The following CEP128 variants were observed in gnomAD, a reference collection of about 807,000 sequenced individuals.
The protein encoded by CEP128 is centrosomal protein 128kDa.
CEP128 carries 132 observed loss-of-function variants against 156.7 expected under a neutral mutation model. The observed-to-expected ratio is 0.84, with a 90% confidence interval of 0.73 to 0.97. CEP128 has a LOEUF of 0.97. Among genes scored for constraint, CEP128 ranks in the 50% least tolerant of loss-of-function variants. CEP128 has a pLI of 0.00. For missense variants in CEP128, 1,252 were observed against 1,281.9 expected (o/e 0.98, Z 0.36); for synonymous variants, 469 against 448.9 (o/e 1.04, Z -0.57).
At chr14:80,806,886 C>T (rs1488863618) in intron 13 of CEP128, among the ~76,000 whole-genome samples, 1 of 152,070 alleles carries the variant, frequency 6.6e-6, no homozygotes, top group African/African-American at 2.4e-5. Context: ...TATTGGCTTA[C>T]ATCATTATAG....
intron 19 of CEP128, among the ~76,000 whole-genome samples, chr14:80,621,277 A>G (rs1893467817): frequency 6.6e-6 from 1 of 152,184 alleles, no homozygotes; most frequent in East Asian, 1.9e-4. Flanking sequence ...TTCCAAAAGA[A>G]GTCAAGAACA....
chr14:80,741,017 T>C (rs964657490), intron 19 of CEP128, among the ~76,000 whole-genome samples: 6 of 152,124 alleles, frequency 3.9e-5, no homozygotes, highest in African/African-American at 1.4e-4. Flanking sequence ...GGTAAAGGAA[T>C]TTCAGGCCAT....
intron 19 of CEP128, among the ~76,000 whole-genome samples, chr14:80,591,864 G>A (rs1395584987): frequency 6.6e-6 from 1 of 152,038 alleles, no homozygotes; most frequent in Admixed American, 6.6e-5. Context: ...ACTCAAAACC[G>A]TACAACTACA....
intron 23 of CEP128, among the ~76,000 whole-genome samples, chr14:80,509,798 A>G (rs913467957): frequency 1.3e-5 from 2 of 152,142 alleles, no homozygotes; most frequent in African/African-American, 4.8e-5. Flanking sequence ...TTTGAATTTT[A>G]TATATGATAA....
chr14:80,756,144 T>C (rs1396163439), intron 18 of CEP128, among the ~76,000 whole-genome samples: 1 of 152,198 alleles, frequency 6.6e-6, no homozygotes, highest in Non-Finnish European at 1.5e-5. Flanking sequence ...AACAGAAATT[T>C]CTGGCCAAAA....
chr14:80,486,780 G>T (rs552589949), downstream of CEP128, among the ~76,000 whole-genome samples: 14 of 152,122 alleles, frequency 9.2e-5, no homozygotes, highest in African/African-American at 2.4e-4. Flanking sequence ...AGCTTCATAA[G>T]TGAAGGAGAA....
intron 19 of CEP128, among the ~76,000 whole-genome samples, chr14:80,594,249 T>G (rs1021083830): frequency 2.6e-5 from 4 of 152,156 alleles, no homozygotes; most frequent in African/African-American, 9.7e-5. Context: ...TAAATGGTGT[T>G]GGGGTAACTG....
At chr14:80,796,583 C>A (rs67330037) in intron 13 of CEP128, among the ~76,000 whole-genome samples, 2 of 152,060 alleles carry the variant, frequency 1.3e-5, no homozygotes, top group Non-Finnish European at 2.9e-5. Context: ...AGTTCTCTAT[C>A]TTCTTATTCT....
intron 9 of CEP128, among the ~76,000 whole-genome samples, chr14:80,857,293 C>G (rs1595505406): frequency 6.7e-6 from 1 of 150,154 alleles, no homozygotes. Context: ...TACAACCTAC[C>G]AAGCCTACCC....
At chr14:80,832,850 T>G (rs912846526) in intron 12 of CEP128, among the ~76,000 whole-genome samples, 4 of 152,196 alleles carry the variant, frequency 2.6e-5, no homozygotes, top group African/African-American at 9.6e-5. Context: ...TATGTGTTGC[T>G]AGGAAACTTA....
At chr14:80,523,444 T>C (rs935263465) in intron 23 of CEP128, among the ~76,000 whole-genome samples, 1 of 152,230 alleles carries the variant, frequency 6.6e-6, no homozygotes, top group Non-Finnish European at 1.5e-5. Context: ...TGTACCACAG[T>C]AATTTGTATG....
intron 14 of CEP128, among the ~76,000 whole-genome samples, chr14:80,787,330 G>A (rs1901462926): frequency 6.6e-6 from 1 of 152,066 alleles, no homozygotes; most frequent in East Asian, 1.9e-4. Flanking sequence ...TTTGGTCAGC[G>A]ATTATTCTGA....
At chr14:80,593,140 T>G (rs1392238172) in intron 19 of CEP128, among the ~76,000 whole-genome samples, 1 of 152,134 alleles carries the variant, frequency 6.6e-6, no homozygotes, top group Non-Finnish European at 1.5e-5. Context: ...GTATTGGAAG[T>G]TCTGGCCAGG....
chr14:80,619,359 G>GACACACACAC (rs765931874), intron 19 of CEP128, among the ~76,000 whole-genome samples: 1 of 72,628 alleles, frequency 1.4e-5, no homozygotes, highest in African/African-American at 5.8e-5. Context: ...ATGATTTAAA[G>GACACACACAC]ACACACAGAC....
chr14:80,643,441 G>A (rs559358718), intron 19 of CEP128, among the ~76,000 whole-genome samples: 37 of 152,258 alleles, frequency 2.4e-4, no homozygotes, highest in African/African-American at 5.5e-4. Context: ...GTGGCTGGCC[G>A]GGTGTGGTGG....
At chr14:80,663,304 T>C (rs1267813671) in intron 19 of CEP128, among the ~76,000 whole-genome samples, 1 of 152,168 alleles carries the variant, frequency 6.6e-6, no homozygotes, top group Non-Finnish European at 1.5e-5. Flanking sequence ...CTCTCTTGAT[T>C]TCAATAGGAT....
intron 19 of CEP128, among the ~76,000 whole-genome samples, chr14:80,650,906 T>G (rs527719235): frequency 6.6e-6 from 1 of 152,290 alleles, no homozygotes; most frequent in South Asian, 2.1e-4. Flanking sequence ...CTGCCAGGTT[T>G]TGGTATCAGG....
intron 19 of CEP128, among the ~76,000 whole-genome samples, chr14:80,634,520 A>G (rs1462659523): frequency 6.6e-6 from 1 of 152,150 alleles, no homozygotes; most frequent in Non-Finnish European, 1.5e-5. Flanking sequence ...ATTTTTCAAT[A>G]TTTTGTATTT....
chr14:80,725,734 C>T (rs1307333666), intron 19 of CEP128, among the ~76,000 whole-genome samples: 1 of 151,876 alleles, frequency 6.6e-6, no homozygotes, highest in Non-Finnish European at 1.5e-5. Context: ...AAAAATCTCC[C>T]TCCGGAAGAA....
Sources: allele counts gnomAD v4.1 joint callset (sites outside exome capture counted in the v4.1 genomes callset), GRCh38; gene constraint gnomAD v4.1.1; transcripts MANE v1.5; gene names NCBI Gene and HGNC (gene_info 2026-07-23, HGNC 2026-07-21).